Variants in FSTL5 observed in about 807,000 individuals in gnomAD.
FSTL5 encodes follistatin-related protein 5.
In FSTL5, 62 loss-of-function variants were observed where a neutral mutation model predicts 89.1. That is an observed-to-expected ratio of 0.70 (90% CI 0.57 to 0.86). The LOEUF (loss-of-function observed/expected upper bound fraction) is 0.86. Among genes scored for constraint, FSTL5 ranks in the 40% least tolerant of loss-of-function variants. FSTL5 has a pLI of 0.00. For synonymous variants in FSTL5, 383 were observed against 346.2 expected, an observed-to-expected ratio of 1.11 and a Z score of -1.18; for missense variants, 1,057 against 1,001.6, an observed-to-expected ratio of 1.06 and a Z score of -0.75.
intron 15 of FSTL5, among the ~76,000 whole-genome samples, chr4:161,388,727 T>A (rs145677309): frequency 6.6e-6 from 1 of 152,166 alleles, no homozygotes; most frequent in African/African-American, 2.4e-5. Flanking sequence ...ATAAAAGCAA[T>A]AAGCCAATCA....
chr4:161,622,431 T>C (rs1027180782), intron 7 of FSTL5, among the ~76,000 whole-genome samples: 2 of 151,864 alleles, frequency 1.3e-5, no homozygotes, highest in East Asian at 1.9e-4. Context: ...ATTACTACAA[T>C]AGAAAATTAT....
intron 11 of FSTL5, among the ~76,000 whole-genome samples, chr4:161,506,132 A>G (rs552180446): frequency 6.6e-6 from 1 of 151,042 alleles, no homozygotes. Flanking sequence ...CATAGAGGGC[A>G]GTGGAGCGAT....
intron 4 of FSTL5, among the ~76,000 whole-genome samples, chr4:161,893,924 A>G (rs1459333381): frequency 6.6e-6 from 1 of 152,136 alleles, no homozygotes; most frequent in Non-Finnish European, 1.5e-5. Flanking sequence ...CCAAAACCAA[A>G]TTTTTACTCC....
intron 4 of FSTL5, among the ~76,000 whole-genome samples, chr4:161,779,799 A>ACG (rs1449586024): frequency 2.5e-5 from 1 of 40,036 alleles, no homozygotes; most frequent in African/African-American, 1.9e-4. Context: ...ATATATATAT[A>ACG]TATATATATA....
intron 4 of FSTL5, among the ~76,000 whole-genome samples, chr4:161,787,886 T>C (rs1407994714): frequency 6.6e-6 from 1 of 152,196 alleles, no homozygotes; most frequent in East Asian, 1.9e-4. Context: ...TAGTTGCTTT[T>C]TCATTAATTT....
At chr4:161,417,850 T>C (rs1305998234) in intron 15 of FSTL5, among the ~76,000 whole-genome samples, 1 of 152,222 alleles carries the variant, frequency 6.6e-6, no homozygotes, top group Non-Finnish European at 1.5e-5. Context: ...ACCATGTACT[T>C]GGTGTTAGGA....
chr4:161,542,204 A>C (rs1731841456), intron 9 of FSTL5, among the ~76,000 whole-genome samples: 1 of 152,038 alleles, frequency 6.6e-6, no homozygotes, highest in Non-Finnish European at 1.5e-5. Context: ...TTCAGAAATG[A>C]ATTTCTATAA....
chr4:161,443,006 A>G (rs1732823617), intron 15 of FSTL5, among the ~76,000 whole-genome samples: 1 of 151,964 alleles, frequency 6.6e-6, no homozygotes, highest in African/African-American at 2.4e-5. Flanking sequence ...CTTAATCTGG[A>G]GGAAAAAATA....
intron 15 of FSTL5, among the ~76,000 whole-genome samples, chr4:161,398,571 G>C (rs1731078832): frequency 6.6e-6 from 1 of 151,910 alleles, no homozygotes; most frequent in African/African-American, 2.4e-5. Flanking sequence ...TATTGCTTCT[G>C]TGCATCAAAA....
intron 6 of FSTL5, among the ~76,000 whole-genome samples, chr4:161,746,975 G>T (rs148584985): frequency 6.6e-6 from 1 of 152,180 alleles, no homozygotes; most frequent in East Asian, 1.9e-4. Flanking sequence ...TTATTCAGCG[G>T]CGTATGTAAT....
chr4:161,666,319 C>A (rs1368209862), intron 6 of FSTL5, among the ~76,000 whole-genome samples: 3 of 152,070 alleles, frequency 2.0e-5, no homozygotes, highest in Admixed American at 2.0e-4. Context: ...ACTATCTATG[C>A]AATTAGGAAA....
intron 15 of FSTL5, among the ~76,000 whole-genome samples, chr4:161,425,740 C>G (rs183531085): frequency 6.6e-6 from 1 of 152,026 alleles, no homozygotes; most frequent in Admixed American, 6.6e-5. Flanking sequence ...TGGTTCAATC[C>G]CCTCACTTTA....
At chr4:161,475,124 T>C (rs1456545468) in intron 13 of FSTL5, among the ~76,000 whole-genome samples, 1 of 151,856 alleles carries the variant, frequency 6.6e-6, no homozygotes, top group Non-Finnish European at 1.5e-5. Flanking sequence ...AGCAATCTTA[T>C]TGAGGATACA....
intron 1 of FSTL5, among the ~76,000 whole-genome samples, chr4:162,127,087 T>C (rs1357289184): frequency 6.6e-6 from 1 of 152,132 alleles, no homozygotes; most frequent in African/African-American, 2.4e-5. Context: ...ATCAATACTG[T>C]CCTAGTCCCT....
chr4:161,543,952 A>G (rs1450580923), intron 8 of FSTL5, among the ~76,000 whole-genome samples: 1 of 152,056 alleles, frequency 6.6e-6, no homozygotes, highest in Non-Finnish European at 1.5e-5. Context: ...AAGTATAAAC[A>G]CAACCCACAA....
chr4:161,631,873 T>C (rs1735516640), intron 7 of FSTL5, among the ~76,000 whole-genome samples: 1 of 152,162 alleles, frequency 6.6e-6, no homozygotes. Flanking sequence ...ATTAAGGACA[T>C]TTTACAAGAA....
At chr4:161,427,376 A>C (rs1052307241) in intron 15 of FSTL5, among the ~76,000 whole-genome samples, 1 of 152,202 alleles carries the variant, frequency 6.6e-6, no homozygotes, top group Middle Eastern at 3.2e-3. Context: ...TGTTTTTCAC[A>C]AGCTGCTCTG....
At chr4:161,465,322 C>T (rs1733714999) in intron 13 of FSTL5, among the ~76,000 whole-genome samples, 1 of 151,868 alleles carries the variant, frequency 6.6e-6, no homozygotes. Context: ...TATGCAGTCA[C>T]CACTTAATTT....
intron 6 of FSTL5, among the ~76,000 whole-genome samples, chr4:161,681,062 T>C (rs1737502163): frequency 6.6e-6 from 1 of 152,000 alleles, no homozygotes; most frequent in Non-Finnish European, 1.5e-5. Flanking sequence ...CATGAGCGAG[T>C]AGCTGTGGAA....
Sources: allele counts gnomAD v4.1 joint callset (sites outside exome capture counted in the v4.1 genomes callset), GRCh38; gene constraint gnomAD v4.1.1; transcripts MANE v1.5; gene names NCBI Gene and HGNC (gene_info 2026-07-23, HGNC 2026-07-21).